The following RBFOX3 variants were observed in gnomAD, a reference collection of about 807,000 sequenced individuals.
RBFOX3 encodes the protein RNA binding protein fox-1 homolog 3.
RBFOX3 carries 17 observed loss-of-function variants against 48.7 expected under a neutral mutation model. The observed-to-expected ratio is 0.35, with a 90% CI of 0.24 to 0.52. The LOEUF (loss-of-function observed/expected upper bound fraction) is 0.52. RBFOX3 is among the 20% of genes least tolerant of loss of function. RBFOX3 has a pLI of 0.94. For missense variants in RBFOX3, 382 were observed against 497.5 expected (o/e 0.77, Z 2.21); for synonymous variants, 212 against 209.5 (o/e 1.01, Z -0.10).
chr17:79,467,513 T>G (rs2076470524), intron 2 of RBFOX3, among the ~76,000 whole-genome samples: 1 of 152,194 alleles, frequency 6.6e-6, no homozygotes, highest in African/African-American at 2.4e-5. Flanking sequence ...CCCGGGGGCA[T>G]GTCCCAGCTG....
At chr17:79,329,922 C>A (rs979450324) in intron 2 of RBFOX3, among the ~76,000 whole-genome samples, 3 of 152,206 alleles carry the variant, frequency 2.0e-5, no homozygotes, top group Admixed American at 2.0e-4. Context: ...TCGTGCTGAT[C>A]TGTCCAGAGT....
At chr17:79,351,982 G>T (rs1428002725) in intron 2 of RBFOX3, among the ~76,000 whole-genome samples, 3 of 152,084 alleles carry the variant, frequency 2.0e-5, no homozygotes, top group Non-Finnish European at 2.9e-5. Flanking sequence ...GATCTTAGAG[G>T]CCTGTGAACC....
intron 4 of RBFOX3, among the ~76,000 whole-genome samples, chr17:79,135,245 T>A (rs1446872808): frequency 6.6e-6 from 1 of 152,162 alleles, no homozygotes; most frequent in Non-Finnish European, 1.5e-5. Flanking sequence ...GTGTTTCAAC[T>A]GTAAAATGGG....
the RBFOX3 span, among the ~76,000 whole-genome samples, chr17:79,658,045 A>AT: frequency 6.6e-6 from 1 of 152,150 alleles, no homozygotes; most frequent in Non-Finnish European, 1.5e-5. Flanking sequence ...AGAATGACAA[A>AT]TGAGGCCCTT....
At chr17:79,309,813 A>G (rs2076598627) in intron 2 of RBFOX3, among the ~76,000 whole-genome samples, 1 of 151,912 alleles carries the variant, frequency 6.6e-6, no homozygotes, top group African/African-American at 2.4e-5. Flanking sequence ...CCTCACTCTC[A>G]TCTCCCGCCA....
intron 3 of RBFOX3, among the ~76,000 whole-genome samples, chr17:79,262,212 C>T (rs754237131): frequency 2.0e-5 from 3 of 152,170 alleles, no homozygotes; most frequent in Non-Finnish European, 2.9e-5. Flanking sequence ...GCCCGAGATG[C>T]GGCGGTTCTG....
At chr17:79,138,827 A>C (rs1599622576) in intron 4 of RBFOX3, among the ~76,000 whole-genome samples, 23 of 79,942 alleles carry the variant, frequency 2.9e-4, no homozygotes, top group South Asian at 4.8e-4. Flanking sequence ...ACACCCCCTC[A>C]CCCACACACA....
Position 79,548,740 on chromosome 17 carries a change from C to G in RBFOX3, c.-320+62086G>C, listed in dbSNP as rs545925676. Among the ~76,000 whole-genome samples, 3 of 152,370 alleles carry G rather than the reference C, an allele frequency of 2.0e-5. No individual in the cohort carries two copies. In the East Asian group the frequency reaches 5.8e-4, roughly 29 times the overall value. Reference sequence around the variant, plus strand: ...CCATCTCTACAGGGGTGTGCGTGTCCTTGGGCATGCGTTGCATGTACTGCT... The same window carrying G: ...CCATCTCTACAGGGGTGTGCGTGTCGTTGGGCATGCGTTGCATGTACTGCT... On this transcript the variant is annotated intron_variant, in intron 1 of 14. Transcript: ENST00000693108.
At position 79,212,967 on chromosome 17, in the gene RBFOX3, G is replaced by C. The variant is rs2058571204; in HGVS notation, c.-34+22799C>G. Among the ~76,000 whole-genome samples, 1 of 139,758 alleles carries C rather than the reference G, an allele frequency of 7.2e-6. No homozygotes were observed. Among genetic ancestry groups the C allele is most frequent in the African/African-American group, 2.6e-5 (1 of 38,722 alleles). The allele number at this position is 139,758 out of a possible 152,430, so 91.7% of individuals were successfully genotyped here. Reference sequence around the variant, plus strand: ...TCTCCCAGGTTCAAGAGATTCTCCTGCCTCAGCCTCCTGAGTAGCTGGGAT... The same window carrying C: ...TCTCCCAGGTTCAAGAGATTCTCCTCCCTCAGCCTCCTGAGTAGCTGGGAT... On this transcript the variant is annotated intron_variant, in intron 4 of 14. Transcript: ENST00000693108. This position sits in a 1 kb window ranked among gnomAD's most constrained non-coding sequence, Gnocchi z 4.7.
upstream of RBFOX3, among the ~76,000 whole-genome samples, chr17:79,614,557 G>A (rs914285647): frequency 5.9e-5 from 9 of 152,316 alleles, no homozygotes; most frequent in Non-Finnish European, 1.3e-4. Flanking sequence ...GCCAAAACAC[G>A]CAACAGAGCG....
chr17:79,115,115 C>T (rs1365532015), intron 5 of RBFOX3, among the ~76,000 whole-genome samples: 1 of 152,240 alleles, frequency 6.6e-6, no homozygotes, highest in Non-Finnish European at 1.5e-5. Context: ...CCGTCTCCTT[C>T]ACTTTCCACT....
intron 4 of RBFOX3, among the ~76,000 whole-genome samples, chr17:79,151,888 G>A (rs1192004357): frequency 1.4e-4 from 12 of 86,154 alleles, no homozygotes; most frequent in Admixed American, 2.3e-4. Context: ...GGCGATGGGA[G>A]GGGACCTGCA....
At position 79,523,812 on chromosome 17, in the gene RBFOX3, C is replaced by A. The variant is rs2086445402; in HGVS notation, c.-319-41214G>T. Among the ~76,000 whole-genome samples the A allele has an allele frequency of 2.0e-5, 3 of 152,204 alleles. No individual in the cohort carries two copies. In the South Asian group the frequency reaches 6.2e-4, roughly 32 times the overall value. ...ATAAAAGGCGAACCTTGTAAACTAGCCAGCACATTTTGAGTGGTCCTTGAT... is the reference window on the plus strand; with the variant it reads ...ATAAAAGGCGAACCTTGTAAACTAGACAGCACATTTTGAGTGGTCCTTGAT... On this transcript the variant is annotated intron_variant, in intron 1 of 14. Transcript: ENST00000693108.
chr17:79,153,523 C>A (rs918385912), intron 4 of RBFOX3, among the ~76,000 whole-genome samples: 7 of 152,156 alleles, frequency 4.6e-5, no homozygotes, highest in Non-Finnish European at 7.4e-5. Context: ...CCCTGGGAAC[C>A]AGGGTGGGCC....
chr17:79,101,633 G>T lies in RBFOX3; in HGVS notation c.519C>A (p.Ala173=), dbSNP rs1197857796. 6.4e-7 allele frequency: 1 copy of T among 1,551,254 alleles called. No individual in the cohort carries two copies. The highest frequency in any genetic ancestry group is 2.0e-5 in the Admixed American group (1 of 51,010). The change falls in exon 9 of 15, where the codon GCC becomes GCA. Residue 173 remains alanine (A), a synonymous_variant. Transcript: ENST00000693108. ...VEGRKIEVNN[A]TARVMTNKKT... ...TCTTGTTGGTCATCACTCGGGCCGT[G>T]GCATTATTGACCTGTTCAAAGAGGG...
At chr17:79,194,877 T>C (rs1190605056) in intron 4 of RBFOX3, among the ~76,000 whole-genome samples, 2 of 151,988 alleles carry the variant, frequency 1.3e-5, no homozygotes, top group African/African-American at 4.8e-5. Flanking sequence ...TTCAGGTATA[T>C]TGGGTTACAT....
chr17:79,385,615 G>T (rs570521316), intron 2 of RBFOX3, among the ~76,000 whole-genome samples: 15 of 152,184 alleles, frequency 9.9e-5, no homozygotes, highest in Non-Finnish European at 1.8e-4. Flanking sequence ...CACGTGTGCT[G>T]CTCCCTCATT....
chr17:79,664,791 C>T, the RBFOX3 span, among the ~76,000 whole-genome samples: 13 of 152,204 alleles, frequency 8.5e-5, no homozygotes, highest in Non-Finnish European at 1.8e-4. Context: ...CTCCTCCCCC[C>T]GGTCCCTGGA....
chr17:79,426,444 G>T (rs1034032722), intron 2 of RBFOX3, among the ~76,000 whole-genome samples: 6 of 152,188 alleles, frequency 3.9e-5, no homozygotes, highest in Non-Finnish European at 8.8e-5. Flanking sequence ...ACAACGGCAG[G>T]CAGGCCGGGA....
Sources: gnomAD v4.1 joint callset for allele counts (sites outside exome capture counted in the v4.1 genomes callset) on GRCh38, gnomAD v4.1.1 for gene constraint, Gnocchi (gnomAD v3.1) non-coding constraint, MANE v1.5 for transcripts, NCBI Gene and HGNC (gene_info 2026-07-23, HGNC 2026-07-21) for gene names.